Variants in ZNF333 observed in about 807,000 individuals in gnomAD.
ZNF333 encodes the protein zinc finger protein 333.
Under a neutral mutation model 76.1 loss-of-function variants are expected in ZNF333, and 61 were observed. The ratio of observed to expected loss-of-function variants is 0.80; its 90% CI spans 0.65 to 0.99. ZNF333 has a LOEUF of 0.99. Among genes scored for constraint, ZNF333 ranks in the 50% least tolerant of loss-of-function variants. The pLI is 0.00. For missense variants in ZNF333, 717 were observed against 822.4 expected (o/e 0.87, Z 1.57); for synonymous variants, 284 against 305.0 (o/e 0.93, Z 0.72).
chr19:14,715,974 G>A, intron 8 of ZNF333, 138 bp from the exon 9 acceptor site: 1 of 1,425,450 alleles, frequency 7.0e-7, no homozygotes, highest in South Asian at 1.3e-5. Flanking sequence ...CTAAGGGCCA[G>A]ATTCTGCGGG....
intron 11 of ZNF333, among the ~76,000 whole-genome samples, chr19:14,727,330 AG>A (rs1043389069): frequency 1.3e-5 from 2 of 152,162 alleles, no homozygotes; most frequent in Admixed American, 1.3e-4. Flanking sequence ...GCCCGGCCCA[AG>A]AAAAGAGGTT....
intron 7 of ZNF333, among the ~76,000 whole-genome samples, chr19:14,711,663 G>C (rs2042279314): frequency 6.6e-6 from 1 of 152,120 alleles, no homozygotes. Flanking sequence ...AAAAATTATA[G>C]TAATAATGCA....
chr19:14,693,855 C>G (rs1347371193), intron 2 of ZNF333, among the ~76,000 whole-genome samples: 1 of 151,960 alleles, frequency 6.6e-6, no homozygotes, highest in Non-Finnish European at 1.5e-5. Flanking sequence ...TTGTGTGTGC[C>G]TGGAATCGCA....
intron 7 of ZNF333, chr19:14,707,838 A>G (rs1304198622): frequency 2.6e-6 from 1 of 380,760 alleles, no homozygotes; most frequent in Non-Finnish European, 4.7e-6. Flanking sequence ...GGCGTGAGCC[A>G]CCGCGCCCGG....
rs2042572216 is a variant in ZNF333, at chr19:14,720,954, T to G, written c.*1629T>G. On this transcript the variant is annotated 3_prime_UTR_variant, in exon 12 of 12. Coordinates refer to ENST00000292530, the MANE Select transcript of ZNF333 (RefSeq NM_032433.4). Reference sequence around the variant, plus strand: ...AATATAGATACTGACATTTTTTACATTTCCAACAAATTGTTACTTTTATTC... The same window carrying G: ...AATATAGATACTGACATTTTTTACAGTTCCAACAAATTGTTACTTTTATTC... 2 of 912,272 alleles carry G rather than the reference T, an allele frequency of 2.2e-6. No individual in the cohort carries two copies. Among genetic ancestry groups the G allele is most frequent in the Non-Finnish European group, 2.6e-6 (2 of 763,616 alleles). The allele number at this position is 912,272 out of a possible 1,614,324, so 56.5% of individuals were successfully genotyped here.
rs1297891491 is a variant in ZNF333 at position 14,706,781 on chromosome 19, A to G, written c.511+8A>G. The G allele has an allele frequency of 6.2e-7, 1 of 1,611,792 alleles. No individual in the cohort carries two copies. The highest frequency in any genetic ancestry group is 1.1e-5 in the South Asian group (1 of 90,862). On this transcript the variant is annotated splice_region_variant and intron_variant, in intron 7 of 11. Transcript: ENST00000292530. ...GGGTGGCCAGGGATTCTGGTGAGTGAGTGCTGCGTGGAACACGTGGCCAGA... is the reference window on the plus strand; with the variant it reads ...GGGTGGCCAGGGATTCTGGTGAGTGGGTGCTGCGTGGAACACGTGGCCAGA...
rs1016100636 is a variant in ZNF333 at position 14,699,293 on chromosome 19, G to A, written c.306+12G>A. Reference sequence around the variant, plus strand: ...GGGACATGCAAATGGTAAGATGCACGGGGTTTTCCCCGGCTCCCAGCATGG... The same window carrying A: ...GGGACATGCAAATGGTAAGATGCACAGGGTTTTCCCCGGCTCCCAGCATGG... On this transcript the variant is annotated intron_variant, in intron 5 of 11. Coordinates refer to ENST00000292530, the MANE Select transcript of ZNF333 (RefSeq NM_032433.4). The A allele has an allele frequency of 1.9e-6, 3 of 1,612,526 alleles. No individual in the cohort carries two copies. Among genetic ancestry groups the A allele is most frequent in the Middle Eastern group, 1.7e-4 (1 of 6,052 alleles).
At chr19:14,691,903 C>T (rs1972804188) in intron 1 of ZNF333, among the ~76,000 whole-genome samples, 1 of 152,116 alleles carries the variant, frequency 6.6e-6, no homozygotes, top group South Asian at 2.1e-4. Flanking sequence ...TCTGGAACTC[C>T]TGACCTCAGG....
At position 14,715,362 on chromosome 19, in the gene ZNF333, C is replaced by T. The variant is rs1233252704; in HGVS notation, c.512-20C>T. 6.2e-7 allele frequency: 1 copy of T among 1,612,158 alleles called. No individual in the cohort carries two copies. Among genetic ancestry groups the T allele is most frequent in the East Asian group, 2.2e-5 (1 of 44,858 alleles). The stretch of plus-strand genomic sequence containing the variant: ...AGTAGGCCAGGCACCAACCCTCATG[C>T]CTCTTCCCTTCTCCCCTAGCTGTGC... On this transcript the variant is annotated intron_variant, in intron 7 of 11. Coordinates refer to ENST00000292530, the MANE Select transcript of ZNF333 (RefSeq NM_032433.4).
chr19:14,713,352 CTG>C (rs1366327342), intron 7 of ZNF333, among the ~76,000 whole-genome samples: 1 of 152,174 alleles, frequency 6.6e-6, no homozygotes, highest in Non-Finnish European at 1.5e-5. Flanking sequence ...GCTCTGACCT[CTG>C]GACCTCATTT....
Position 14,703,153 on chromosome 19 carries a change from C to A in ZNF333, c.307-1901C>A, listed in dbSNP as rs537988986. ...CCAGGGGGCGGAGCTTGCAGTGAGC[C>A]GAGATCGCGCCACTGCACTCCAGCC... On this transcript the variant is annotated intron_variant, in intron 5 of 11. Transcript: ENST00000292530. 1.2e-4 allele frequency among the ~76,000 whole-genome samples: 17 copies of A among 145,282 alleles called. No individual in the cohort carries two copies. In the Admixed American group the frequency reaches 1.2e-3, roughly 11 times the overall value.
chr19:14,718,520 A>C lies in ZNF333; in HGVS notation c.1193A>C (p.Glu398Ala). ...GCAGAGAAGTGCTTTGACTGTCAAG[A>C]ATGTGGGCAAGCCTTCAAATATTCC... ...HTAEKCFDCQ[E>A]CGQAFKYSSN... Residue 398 changes from glutamate (E) to alanine (A), a missense_variant, in exon 12 of 12, where the codon GAA becomes GCA. Transcript: ENST00000292530. 6.2e-7 allele frequency: 1 copy of C among 1,614,240 alleles called. No homozygotes were observed. The highest frequency in any genetic ancestry group is 8.5e-7 in the Non-Finnish European group (1 of 1,180,034).
At chr19:14,711,675 A>G (rs1300937088) in intron 7 of ZNF333, among the ~76,000 whole-genome samples, 2 of 152,166 alleles carry the variant, frequency 1.3e-5, no homozygotes, top group Non-Finnish European at 2.9e-5. Flanking sequence ...AATAATGCAT[A>G]TAAAACATTT....
chr19:14,716,965 C>A, intron 9 of ZNF333, 29 bp from the exon 10 acceptor site: 1 of 1,590,666 alleles, frequency 6.3e-7, no homozygotes, highest in Non-Finnish European at 8.6e-7. Flanking sequence ...ACAGTCCTCG[C>A]ACAACATGTG....
At chr19:14,731,863 T>G (rs1378652668) in exon 12 of ZNF333, 1 of 152,116 alleles carries the variant, frequency 6.6e-6, no homozygotes, top group African/African-American at 2.4e-5. Flanking sequence ...CTTAATAAAT[T>G]TAAAAAGTGA....
chr19:14,730,635 AAAT>A (rs1481762779), intron 11 of ZNF333, among the ~76,000 whole-genome samples: 1 of 152,172 alleles, frequency 6.6e-6, no homozygotes, highest in Non-Finnish European at 1.5e-5. Flanking sequence ...GGAACAACCC[AAAT>A]GTCTATCAAC....
At chr19:14,716,530 A>G (rs543373946) in intron 9 of ZNF333, among the ~76,000 whole-genome samples, 4 of 152,080 alleles carry the variant, frequency 2.6e-5, no homozygotes, top group Non-Finnish European at 5.9e-5. Context: ...ATGTGCTGGG[A>G]TTGCAGACAT....
intron 1 of ZNF333, among the ~76,000 whole-genome samples, chr19:14,691,981 A>G (rs1972808292): frequency 6.6e-6 from 1 of 151,900 alleles, no homozygotes; most frequent in Non-Finnish European, 1.5e-5. Context: ...CTGGCCTCAT[A>G]CTGTGTTTTG....
chr19:14,710,997 G>A (rs2042258926), intron 7 of ZNF333, among the ~76,000 whole-genome samples: 1 of 151,804 alleles, frequency 6.6e-6, no homozygotes, highest in South Asian at 2.1e-4. Context: ...AAGGGAAGGG[G>A]GAAAGGTGCC....
Sources: gnomAD v4.1 joint callset for allele counts (sites outside exome capture counted in the v4.1 genomes callset) on GRCh38, gnomAD v4.1.1 for gene constraint, MANE v1.5 for transcripts, NCBI Gene and HGNC (gene_info 2026-07-23, HGNC 2026-07-21) for gene names.